MCF2L2: variants seen among roughly 807,000 people sequenced by gnomAD.
The protein encoded by MCF2L2 is probable guanine nucleotide exchange factor MCF2L2.
MCF2L2 carries 102 observed loss-of-function variants against 150.2 expected under a neutral mutation model. The ratio of observed to expected loss-of-function variants is 0.68; its 90% CI spans 0.58 to 0.80. The LOEUF is 0.80. Ranked by LOEUF, MCF2L2 falls within the 30% of genes least tolerant of loss-of-function variation. The pLI is 0.00. For synonymous variants in MCF2L2, 465 were observed against 491.3 expected, an observed-to-expected ratio of 0.95 and a Z score of 0.71; for missense variants, 1,256 against 1,372.8, an observed-to-expected ratio of 0.91 and a Z score of 1.34.
chr3:183,313,131 T>G (rs1174241843), intron 7 of MCF2L2, among the ~76,000 whole-genome samples: 1 of 152,078 alleles, frequency 6.6e-6, no homozygotes. Context: ...GATGGAAAAA[T>G]GTACTCTTGG....
At chr3:183,291,373 G>A (rs949662801) in intron 13 of MCF2L2, among the ~76,000 whole-genome samples, 4 of 152,320 alleles carry the variant, frequency 2.6e-5, no homozygotes, top group Middle Eastern at 3.4e-3. Flanking sequence ...AGGGAAAAAT[G>A]AGAAATCCTA....
intron 21 of MCF2L2, among the ~76,000 whole-genome samples, chr3:183,217,399 G>T (rs1416050476): frequency 2.0e-5 from 3 of 151,974 alleles, no homozygotes; most frequent in African/African-American, 7.2e-5. Context: ...TTGAACACGG[G>T]AGGTGGAGTT....
chr3:183,339,652 G>C (rs1730622113), intron 4 of MCF2L2, among the ~76,000 whole-genome samples: 1 of 152,178 alleles, frequency 6.6e-6, no homozygotes, highest in South Asian at 2.1e-4. Context: ...GCAAGATTCT[G>C]AGCAGGTTCA....
intron 2 of MCF2L2, among the ~76,000 whole-genome samples, chr3:183,385,899 TCTC>T (rs1199091295): frequency 2.0e-5 from 3 of 152,158 alleles, no homozygotes; most frequent in African/African-American, 7.2e-5. Flanking sequence ...GCATTTTCCT[TCTC>T]CTTCTTCCTG....
intron 3 of MCF2L2, chr3:183,372,862 A>G (rs1712970720): frequency 1.3e-5 from 2 of 152,260 alleles, no homozygotes; most frequent in Admixed American, 1.3e-4. Context: ...ACAGTGATAA[A>G]TATCCATGCT....
intron 2 of MCF2L2, among the ~76,000 whole-genome samples, chr3:183,382,302 G>A (rs757675829): frequency 2.0e-5 from 3 of 152,014 alleles, no homozygotes; most frequent in Admixed American, 6.6e-5. Flanking sequence ...CAACTGATCC[G>A]TCTGCCTCGG....
intron 2 of MCF2L2, among the ~76,000 whole-genome samples, chr3:183,386,495 A>G (rs1268999602): frequency 6.6e-6 from 1 of 152,240 alleles, no homozygotes; most frequent in Admixed American, 6.5e-5. Context: ...CCGTGGGAAC[A>G]CATGCACAGT....
Position 183,231,032 on chromosome 3 carries a change from CAG to C in MCF2L2, c.1863-17_1863-16del. 6.2e-7 allele frequency: 1 copy of C among 1,601,216 alleles called. No individual in the cohort carries two copies. The highest frequency in any genetic ancestry group is 8.6e-7 in the Non-Finnish European group (1 of 1,168,834). ...GTATAATGCGCCTGAATCACAGCAG[CAG>C]GTGGGAGGGTGAAAGAGAGAGAGAC... On this transcript the variant is annotated splice_polypyrimidine_tract_variant and intron_variant, in intron 15 of 29. Transcript: ENST00000328913.
intron 22 of MCF2L2, 143 bp downstream of exon 22, chr3:183,215,826 T>C (rs1320159450): frequency 1.1e-6 from 1 of 937,768 alleles, no homozygotes; most frequent in African/African-American, 1.7e-5. Flanking sequence ...AGTGCGGGTT[T>C]ACTGAGCAAT....
rs13095031 is a variant in MCF2L2, at chr3:183,197,786, C to A, written c.2885-2531G>T. Among the ~76,000 whole-genome samples, 42,740 of 151,944 alleles carry A rather than the reference C, an allele frequency of 0.28. 7,055 individuals carry two copies. The highest frequency in any genetic ancestry group is 0.4 in the South Asian group (1,940 of 4,826). ...ACAATGAGCAAAAGATTTGAACAGA[C>A]ACTTCACCAAAGAAGAGATAAAGAT... On this transcript the variant is annotated intron_variant, in intron 25 of 29. Transcript: ENST00000328913. The surrounding 1 kb of genome is among the most constrained non-coding windows in gnomAD (Gnocchi z 4.5).
At chr3:183,307,637 T>C (rs1729161452) in intron 10 of MCF2L2, among the ~76,000 whole-genome samples, 1 of 152,188 alleles carries the variant, frequency 6.6e-6, no homozygotes, top group Non-Finnish European at 1.5e-5. Context: ...TCAGCAACTT[T>C]TGAAGTATAT....
chr3:183,333,169 C>G (rs189905335), intron 5 of MCF2L2, among the ~76,000 whole-genome samples: 1 of 152,124 alleles, frequency 6.6e-6, no homozygotes, highest in African/African-American at 2.4e-5. Context: ...GCCTCAGCCC[C>G]CCGAGTAGCT....
chr3:183,265,971 A>G (rs1726074998), intron 15 of MCF2L2: 1 of 152,240 alleles, frequency 6.6e-6, no homozygotes, highest in Non-Finnish European at 1.5e-5. Flanking sequence ...TTCAGAAAGC[A>G]TTTTGACTTG....
chr3:183,190,441 G>C (rs966635876), intron 27 of MCF2L2, among the ~76,000 whole-genome samples: 3 of 152,216 alleles, frequency 2.0e-5, no homozygotes, highest in African/African-American at 2.4e-5. Flanking sequence ...ATGCAAATGT[G>C]TTATTGAAAA....
At chr3:183,315,278 T>C (rs571761957) in intron 7 of MCF2L2, among the ~76,000 whole-genome samples, 4 of 152,214 alleles carry the variant, frequency 2.6e-5, no homozygotes, top group Admixed American at 2.6e-4. Flanking sequence ...TATTACTTGG[T>C]AAAATAAAGA....
chr3:183,385,420 C>A (rs951196285), intron 2 of MCF2L2, among the ~76,000 whole-genome samples: 1 of 152,110 alleles, frequency 6.6e-6, no homozygotes, highest in African/African-American at 2.4e-5. Context: ...TCCCACTCAC[C>A]CCTGGGAGCC....
At chr3:183,395,939 G>A (rs147568393) in intron 1 of MCF2L2, among the ~76,000 whole-genome samples, 31 of 82,280 alleles carry the variant, frequency 3.8e-4, no homozygotes, top group Non-Finnish European at 4.9e-4. Context: ...AAAAAAAAAA[G>A]AAAGAAAGAA....
chr3:183,216,206 G>A, intron 21 of MCF2L2, 112 bp from the exon 22 acceptor site: 2 of 1,146,644 alleles, frequency 1.7e-6, no homozygotes. Context: ...TGACTGAGAA[G>A]GGTGGATATT....
intron 3 of MCF2L2, among the ~76,000 whole-genome samples, chr3:183,352,191 T>C (rs1711521278): frequency 1.3e-5 from 2 of 152,226 alleles, no homozygotes; most frequent in South Asian, 2.1e-4. Context: ...TCACTCTCCA[T>C]GTTCTATGTA....
Sources: allele counts gnomAD v4.1 joint callset (sites outside exome capture counted in the v4.1 genomes callset), GRCh38; gene constraint gnomAD v4.1.1; non-coding constraint Gnocchi (gnomAD v3.1); transcripts MANE v1.5; gene names NCBI Gene and HGNC (gene_info 2026-07-23, HGNC 2026-07-21).